The following NPIPB6 variants were observed in gnomAD, a reference collection of about 807,000 sequenced individuals.
The protein encoded by NPIPB6 is nuclear pore complex-interacting protein family member B6.
NPIPB6 carries 2 observed loss-of-function variants against 20.0 expected under a neutral mutation model. That is an observed-to-expected ratio of 0.10 (90% confidence interval 0.04 to 0.31). NPIPB6 has a LOEUF of 0.31. Among genes scored for constraint, NPIPB6 ranks in the 10% least tolerant of loss-of-function variants. The pLI is 1.00. For synonymous variants in NPIPB6, 35 were observed against 116.3 expected, an observed-to-expected ratio of 0.30 and a Z score of 4.50; for missense variants, 96 against 293.7, an observed-to-expected ratio of 0.33 and a Z score of 4.92.
At chr16:28,362,290 G>A (rs1410212580) in intron 1 of NPIPB6, among the ~76,000 whole-genome samples, 9 of 145,678 alleles carry the variant, frequency 6.2e-5, no homozygotes, top group South Asian at 2.2e-4. Flanking sequence ...TAGGGACGAG[G>A]TTTTGCCATA....
At chr16:28,346,248 C>T in intron 4 of NPIPB6, 1 of 807,840 alleles carries the variant, frequency 1.2e-6, no homozygotes, top group Non-Finnish European at 1.5e-6. Flanking sequence ...AAAAACCAGA[C>T]CTCACCAACT....
At position 28,351,670 on chromosome 16, in the gene NPIPB6, A is replaced by T. The variant is rs1217237918; in HGVS notation, c.303+1209T>A. On this transcript the variant is annotated intron_variant, in intron 2 of 6. Coordinates refer to ENST00000532254, the Ensembl canonical transcript of NPIPB6. ...GGGGTGAGAAAAGAAAAAAAAAAAA[A>T]AAAGCTTCCTCCAATTTATACCGAA... Among the ~76,000 whole-genome samples the T allele has an allele frequency of 4.9e-5, 6 of 122,240 alleles. No homozygotes were observed. The Admixed American group carries it at 4.9e-4, about 10-fold the overall frequency. The allele number at this position is 122,240 out of a possible 152,430, so 80.2% of individuals were successfully genotyped here.
At chr16:28,361,726 CTATATGTGTGTGTG>C (rs1285707400) in intron 1 of NPIPB6, among the ~76,000 whole-genome samples, 4 of 129,900 alleles carry the variant, frequency 3.1e-5, no homozygotes, top group Non-Finnish European at 6.6e-5. Flanking sequence ...GTCTCTCTCT[CTATATGTGTGTGTG>C]TGTGTGTGTG....
At chr16:28,351,371 C>T (rs1465346783) in intron 2 of NPIPB6, among the ~76,000 whole-genome samples, 1 of 44,886 alleles carries the variant, frequency 2.2e-5, no homozygotes, top group African/African-American at 5.8e-5. Context: ...CCCTGGCTCA[C>T]GTGGTGGCTC....
At chr16:28,360,087 C>A (rs1337925413) in intron 1 of NPIPB6, among the ~76,000 whole-genome samples, 6 of 141,668 alleles carry the variant, frequency 4.2e-5, no homozygotes, top group East Asian at 2.1e-4. Context: ...AGGCCCCACG[C>A]TGTTTTGGGA....
exon 7 of NPIPB6, chr16:28,342,910 G>T (rs1369450213): frequency 1.3e-6 from 2 of 1,574,092 alleles, no homozygotes; most frequent in East Asian, 4.7e-5. Context: ...GCGGGACAAA[G>T]AGACATTCCT....
At chr16:28,343,069 A>G (rs1567227450) in exon 7 of NPIPB6, 1 of 1,459,046 alleles carries the variant, frequency 6.9e-7, no homozygotes, top group Admixed American at 1.9e-5. Flanking sequence ...CAGTTATAGA[A>G]TGTTGTTGAG....
exon 7 of NPIPB6, chr16:28,342,760 C>T: frequency 6.3e-7 from 1 of 1,594,460 alleles, no homozygotes; most frequent in Non-Finnish European, 8.5e-7. Flanking sequence ...CCCTCCGCCT[C>T]TTGGGTTTCG....
chr16:28,360,901 GAA>G (rs2045417399), intron 1 of NPIPB6, among the ~76,000 whole-genome samples: 1 of 91,500 alleles, frequency 1.1e-5, no homozygotes, highest in African/African-American at 3.6e-5. Flanking sequence ...GCATGGGCAG[GAA>G]AAGAGCCTTC....
chr16:28,360,566 A>T (rs1157819018), intron 1 of NPIPB6, among the ~76,000 whole-genome samples: 2 of 136,444 alleles, frequency 1.5e-5, no homozygotes, highest in Non-Finnish European at 3.4e-5. Flanking sequence ...TCAGTTCCCC[A>T]CTCTCCTCCT....
rs1445155215 is a variant in NPIPB6, at chr16:28,360,453, T to C, written c.120+2250A>G. 3.8e-5 allele frequency among the ~76,000 whole-genome samples: 5 copies of C among 130,634 alleles called. 1 individual carries two copies. The highest frequency in any genetic ancestry group is 8.7e-5 in the Non-Finnish European group (5 of 57,574). The allele number at this position is 130,634 out of a possible 152,430, so 85.7% of individuals were successfully genotyped here. A position where few individuals can be genotyped will look rare whatever the true frequency, so the allele number is the denominator to read the frequency against. ...AAACTGCTTTTTCTGAAGTCTACTC[T>C]GTTTCATCATGCTGGTGATGATTTT... On this transcript the variant is annotated intron_variant, in intron 1 of 6. Coordinates refer to ENST00000532254, the Ensembl canonical transcript of NPIPB6.
intron 3 of NPIPB6, 21 bp downstream of exon 4, chr16:28,349,121 G>C: frequency 5.8e-6 from 1 of 172,362 alleles, no homozygotes; most frequent in South Asian, 2.8e-5. Context: ...CCACACTATG[G>C]GGACTCCAAC....
chr16:28,348,260 C>A (rs566086276), intron 4 of NPIPB6, among the ~76,000 whole-genome samples: 1 of 106,682 alleles, frequency 9.4e-6, no homozygotes, highest in African/African-American at 3.3e-5. Context: ...GGCGACAGAG[C>A]GAGATTCTAT....
rs1212877527 is a variant in NPIPB6, at chr16:28,349,519, C to A, written c.304-278G>T. 7.1e-5 allele frequency among the ~76,000 whole-genome samples: 8 copies of A among 112,656 alleles called. 2 individuals are homozygous for A. Among genetic ancestry groups the A allele is most frequent in the Non-Finnish European group, 1.4e-4 (7 of 50,652 alleles). 73.9% of individuals were successfully genotyped at this position (112,656 alleles called of 152,430 possible). ...TGAGCCGAGATCACACCACTGCACT[C>A]CAGCCTGAGCGACAGAATGAGACTC... On this transcript the variant is annotated intron_variant, in intron 2 of 6. Transcript: ENST00000532254.
intron 1 of NPIPB6, among the ~76,000 whole-genome samples, chr16:28,353,283 TC>T (rs1348703206): frequency 8.5e-6 from 1 of 117,038 alleles, no homozygotes; most frequent in African/African-American, 3.1e-5. Flanking sequence ...TGCGGTGTTG[TC>T]TTTCTTGGTA....
intron 1 of NPIPB6, chr16:28,356,786 G>C: frequency 1.7e-5 from 1 of 57,976 alleles, no homozygotes; most frequent in South Asian, 1.8e-4. Flanking sequence ...AGGGGAAGGG[G>C]GGAAGTAAGG....
intron 1 of NPIPB6, among the ~76,000 whole-genome samples, chr16:28,361,762 G>GTA (rs1418069189): frequency 0.015 from 1,133 of 76,220 alleles, 3 homozygotes; most frequent in Non-Finnish European, 0.02. Context: ...GTGTGTGTGT[G>GTA]TGTGTGTATG....
At chr16:28,349,729 A>T (rs1438543576) in intron 2 of NPIPB6, among the ~76,000 whole-genome samples, 8 of 109,842 alleles carry the variant, frequency 7.3e-5, no homozygotes, top group African/African-American at 2.5e-4. Flanking sequence ...TCTCTGCTAA[A>T]AATACAAAAT....
chr16:28,361,754 GTGTGTGTGTGTGTGTA>G (rs1427583795), intron 1 of NPIPB6, among the ~76,000 whole-genome samples: 835 of 72,780 alleles, frequency 0.011, 3 homozygotes, highest in African/African-American at 0.021. Context: ...GTGTGTGTGT[GTGTGTGTGTGTGTGTA>G]TGTGTGTGTG....
Sources: gnomAD v4.1 joint callset for allele counts (sites outside exome capture counted in the v4.1 genomes callset) on GRCh38, gnomAD v4.1.1 for gene constraint, MANE v1.5 for transcripts, NCBI Gene and HGNC (gene_info 2026-07-23, HGNC 2026-07-21) for gene names.